Variants in CFB observed in about 807,000 individuals in gnomAD.
The protein encoded by CFB is B-factor, properdin.
In CFB, 59 loss-of-function variants were observed where a neutral mutation model predicts 97.2. The observed-to-expected ratio is 0.61, with a 90% CI of 0.49 to 0.75. The LOEUF is 0.75. Among genes scored for constraint, CFB ranks in the 30% least tolerant of loss-of-function variants. The pLI is 0.00. For missense variants in CFB, 771 were observed against 959.8 expected (o/e 0.80, Z 2.60); for synonymous variants, 316 against 351.7 (o/e 0.90, Z 1.14).
intron 12 of CFB, 90 bp downstream of exon 12, chr6:31,950,493 C>A: frequency 6.4e-7 from 1 of 1,561,776 alleles, no homozygotes; most frequent in Non-Finnish European, 8.8e-7. Context: ...CACCCATCCT[C>A]AATGCAGCCC....
chr6:31,950,223 A>T, intron 11 of CFB, 63 bp from the exon 12 acceptor site: 1 of 1,605,720 alleles, frequency 6.2e-7, no homozygotes, highest in East Asian at 2.2e-5. Flanking sequence ...GAAGGAAAAA[A>T]TGGCCATAAG....
At chr6:31,950,227 C>G (rs1771667335) in intron 11 of CFB, 59 bp from the exon 12 acceptor site, 1 of 1,601,866 alleles carries the variant, frequency 6.2e-7, no homozygotes, top group Admixed American at 1.7e-5. Context: ...GAAAAAATGG[C>G]CATAAGAGAT....
chr6:31,949,919 G>A (rs937564042), intron 10 of CFB, 131 bp from the exon 11 acceptor site: 10 of 887,168 alleles, frequency 1.1e-5, no homozygotes, highest in Non-Finnish European at 1.7e-5. Context: ...CCTAACACGA[G>A]GAAACAAATA....
In CFB at chr6:31,951,620, C is replaced by T. The variant is rs750999852; in HGVS notation, c.2139+16C>T. ...TTTCATTCAAGTGAGTCCTCCCTTT[C>T]CTATCTGGGGAGATGCCAAGTGGTC... On this transcript the variant is annotated intron_variant, in intron 17 of 17. Coordinates refer to ENST00000425368, the MANE Select transcript of CFB (RefSeq NM_001710.6). The surrounding 1 kb of genome is among the most constrained non-coding windows in gnomAD (Gnocchi z 4.3). The T allele has an allele frequency of 2.5e-6, 4 of 1,614,178 alleles. No individual in the cohort carries two copies. The highest frequency in any genetic ancestry group is 3.4e-6 in the Non-Finnish European group (4 of 1,180,020).
rs774106812 is a variant in CFB, at chr6:31,951,685, T to TA, written c.2139+82dup. Reference sequence around the variant, plus strand: ...AGCAGGAAAGCTCAATGCATGTGGCTAGTAATTCGAGGTAGGCAGAGCCTG... The same window carrying TA: ...AGCAGGAAAGCTCAATGCATGTGGCTAAGTAATTCGAGGTAGGCAGAGCCTG... On this transcript the variant is annotated intron_variant, in intron 17 of 17. Transcript: ENST00000425368. This position sits in a 1 kb window ranked among gnomAD's most constrained non-coding sequence, Gnocchi z 4.3. 1 of 1,594,324 alleles carries TA rather than the reference T, an allele frequency of 6.3e-7. No homozygotes were observed. Among genetic ancestry groups the TA allele is most frequent in the African/African-American group, 1.3e-5 (1 of 74,518 alleles).
chr6:31,951,315 C>T lies in CFB; in HGVS notation c.1957-26C>T. ...CCTAAGCCACTTCTGTTCATTACTTCTCCATGCTTCCCACCTCCCCTACAG... is the reference window on the plus strand; with the variant it reads ...CCTAAGCCACTTCTGTTCATTACTTTTCCATGCTTCCCACCTCCCCTACAG... On this transcript the variant is annotated intron_variant, in intron 15 of 17. Coordinates refer to ENST00000425368, the MANE Select transcript of CFB (RefSeq NM_001710.6). This position sits in a 1 kb window ranked among gnomAD's most constrained non-coding sequence, Gnocchi z 4.3. 5 of 1,614,064 alleles carry T rather than the reference C, an allele frequency of 3.1e-6. No individual in the cohort carries two copies. The highest frequency in any genetic ancestry group is 4.2e-6 in the Non-Finnish European group (5 of 1,180,026).
rs954195408 is a variant in CFB, at chr6:31,951,440, G to A, written c.2056G>A (p.Val686Met). 1.2e-6 allele frequency: 2 copies of A among 1,614,212 alleles called. No homozygotes were observed. Among genetic ancestry groups the A allele is most frequent in the South Asian group, 1.1e-5 (1 of 91,086 alleles). The change falls in exon 16 of 18, where the codon GTG becomes ATG. Residue 686 changes from valine to methionine, a missense_variant. Physicochemically the swap from Val to Met is conservative, Grantham distance 21. Coordinates refer to ENST00000425368, the MANE Select transcript of CFB (RefSeq NM_001710.6). The surrounding 1 kb of genome is among the most constrained non-coding windows in gnomAD (Gnocchi z 4.3). ...CCCTCGGTTCCTTTGTACTGGAGGA[G>A]TGAGTCCCTATGCTGACCCCAATAC... ...VTPRFLCTGGVSPYADPNTCR... is the reference protein window; with the variant it reads ...VTPRFLCTGGMSPYADPNTCR...
chr6:31,947,384 C>T lies in CFB; in HGVS notation c.521C>T (p.Thr174Ile), dbSNP rs1771500142. ...TCCAACCCGGGCATCCCCATTGGCA[C>T]AAGGAAGGTGGGCAGCCAGTACCGC... Reference protein sequence around the residue: ...YCSNPGIPIGTRKVGSQYRLE... With the variant: ...YCSNPGIPIGIRKVGSQYRLE... Residue 174 changes from threonine (T) to isoleucine (I), a missense_variant, in exon 4 of 18, where the codon ACA (threonine) becomes ATA (isoleucine). Physicochemically the swap from Thr to Ile is moderately conservative, Grantham distance 89. Transcript: ENST00000425368. The surrounding 1 kb of genome is among the most constrained non-coding windows in gnomAD (Gnocchi z 5.3). The T allele has an allele frequency of 6.2e-7, 1 of 1,613,092 alleles. No individual in the cohort carries two copies. The highest frequency in any genetic ancestry group is 8.5e-7 in the Non-Finnish European group (1 of 1,180,032).
Position 31,950,689 on chromosome 6 carries a change from A to G in CFB, c.1695A>G (p.Lys565=), listed in dbSNP as rs751934559. ...CCAACTACAACATTAATGGGAAAAAAGAAGCAGGAATTCCTGAATTTTATG... is the reference window on the plus strand; with the variant it reads ...CCAACTACAACATTAATGGGAAAAAGGAAGCAGGAATTCCTGAATTTTATG... ...FHPNYNINGK[K]EAGIPEFYDY... The change falls in exon 13 of 18, where the codon AAA becomes AAG. Residue 565 remains lysine (K), a synonymous_variant. Coordinates refer to ENST00000425368, the MANE Select transcript of CFB (RefSeq NM_001710.6). The G allele has an allele frequency of 3.1e-6, 5 of 1,612,970 alleles. No homozygotes were observed. In the South Asian group the frequency reaches 4.4e-5, roughly 14 times the overall value.
rs1479308232 is a variant in CFB at position 31,949,459 on chromosome 6, T to G, written c.1310T>G (p.Val437Gly). ...GGGGTCGGGCCTTTGGTGAACCAAG[T>G]GAACATCAATGCTTTGGCTTCCAAG... ...VFGVGPLVNQVNINALASKKD... is the reference protein window; with the variant it reads ...VFGVGPLVNQGNINALASKKD... Residue 437 changes from valine (V) to glycine (G), a missense_variant, in exon 10 of 18, where the codon GTG becomes GGG. By Grantham distance (109) the Val-to-Gly change is moderately radical. Transcript: ENST00000425368. The G allele has an allele frequency of 1.2e-6, 2 of 1,614,074 alleles. No individual in the cohort carries two copies. The highest frequency in any genetic ancestry group is 2.7e-5 in the African/African-American group (2 of 74,944).
rs111856907 is a variant in CFB at position 31,947,004 on chromosome 6, A to G, written c.299-3A>G. On this transcript the variant is annotated splice_polypyrimidine_tract_variant and splice_region_variant and intron_variant, in intron 2 of 17. Coordinates refer to ENST00000425368, the MANE Select transcript of CFB (RefSeq NM_001710.6). This position sits in a 1 kb window ranked among gnomAD's most constrained non-coding sequence, Gnocchi z 5.3. ...GACTTCTACTTGTCCCCCCTTCTCA[A>G]AGCAATCCACTGTCCAAGACCACAC... The G allele has an allele frequency of 1.2e-6, 2 of 1,612,816 alleles. No individual in the cohort carries two copies. Among genetic ancestry groups the G allele is most frequent in the Non-Finnish European group, 1.7e-6 (2 of 1,179,980 alleles).
chr6:31,948,303 A>G, intron 6 of CFB, 71 bp from the exon 7 acceptor site: 1 of 1,606,764 alleles, frequency 6.2e-7, no homozygotes, highest in Non-Finnish European at 8.5e-7. Context: ...TGTCCCAGCA[A>G]AGTCGCTGAA....
chr6:31,948,598 CAGGG>C, intron 7 of CFB, 86 bp downstream of exon 7: 1 of 1,585,772 alleles, frequency 6.3e-7, no homozygotes, highest in Non-Finnish European at 8.6e-7. Flanking sequence ...TTGAGGGCGA[CAGGG>C]AGGACCACTT....
Position 31,947,063 on chromosome 6 carries a change from C to G in CFB, c.355C>G (p.Pro119Ala). 2 of 1,613,008 alleles carry G rather than the reference C, an allele frequency of 1.2e-6. No individual in the cohort carries two copies. The highest frequency in any genetic ancestry group is 1.7e-6 in the Non-Finnish European group (2 of 1,180,020). Residue 119 changes from proline to alanine, a missense_variant, in exon 3 of 18, where the codon CCC becomes GCC. Pro to Ala is a conservative substitution (Grantham distance 27, BLOSUM62 -1). Coordinates refer to ENST00000425368, the MANE Select transcript of CFB (RefSeq NM_001710.6). This position sits in a 1 kb window ranked among gnomAD's most constrained non-coding sequence, Gnocchi z 5.3. ...GAACGGGGAATACTGGCCCCGGTCT[C>G]CCTACTACAATGTGAGTGATGAGAT... ...FENGEYWPRS[P>A]YYNVSDEISF...
intron 10 of CFB, 48 bp downstream of exon 10, chr6:31,949,605 CT>C: frequency 6.2e-7 from 1 of 1,608,526 alleles, no homozygotes; most frequent in South Asian, 1.1e-5. Flanking sequence ...TCAGGTTCCC[CT>C]GAAGTAATTC....
In CFB at chr6:31,947,072, A is replaced by T. The variant is rs1297491982; in HGVS notation, c.364A>T (p.Asn122Tyr). Residue 122 changes from asparagine to tyrosine, a missense_variant, in exon 3 of 18, where the codon AAT becomes TAT. Transcript: ENST00000425368. This position sits in a 1 kb window ranked among gnomAD's most constrained non-coding sequence, Gnocchi z 5.3. The stretch of plus-strand genomic sequence containing the variant: ...ATACTGGCCCCGGTCTCCCTACTAC[A>T]ATGTGAGTGATGAGATCTCTTTCCA... ...GEYWPRSPYY[N>Y]VSDEISFHCY... 1.9e-6 allele frequency: 3 copies of T among 1,612,944 alleles called. No individual in the cohort carries two copies. The highest frequency in any genetic ancestry group is 2.5e-6 in the Non-Finnish European group (3 of 1,180,006).
chr6:31,952,048 A>T lies in CFB; in HGVS notation c.*18A>T. 1 of 1,612,108 alleles carries T rather than the reference A, an allele frequency of 6.2e-7. No individual in the cohort carries two copies. The highest frequency in any genetic ancestry group is 8.5e-7 in the Non-Finnish European group (1 of 1,179,964). ...TTCTATAAGGGGTTTCCTGCTGGAC[A>T]GGGGCGTGGGATTGAATTAAAACAG... On this transcript the variant is annotated 3_prime_UTR_variant, in exon 18 of 18. Transcript: ENST00000425368.
rs1771493887 is a variant in CFB, at chr6:31,947,309, A to G, written c.485-39A>G. 6.2e-7 allele frequency: 1 copy of G among 1,612,570 alleles called. No individual in the cohort carries two copies. Among genetic ancestry groups the G allele is most frequent in the Non-Finnish European group, 8.5e-7 (1 of 1,179,992 alleles). On this transcript the variant is annotated intron_variant, in intron 3 of 17. Coordinates refer to ENST00000425368, the MANE Select transcript of CFB (RefSeq NM_001710.6). This position sits in a 1 kb window ranked among gnomAD's most constrained non-coding sequence, Gnocchi z 5.3. ...CTCTCTACCTTGCTCACGGGGCCTC[A>G]GGCTTCAGTGCTTACCTCGATGTCT...
In CFB at chr6:31,951,716, C is replaced by T. The variant is rs1287883269; in HGVS notation, c.2139+112C>T. On this transcript the variant is annotated intron_variant, in intron 17 of 17. Coordinates refer to ENST00000425368, the MANE Select transcript of CFB (RefSeq NM_001710.6). The surrounding 1 kb of genome is among the most constrained non-coding windows in gnomAD (Gnocchi z 4.3). ...TTCGAGGTAGGCAGAGCCTGCCTCACCTTAGGACCGCATGTCTTGCCTGCG... is the reference window on the plus strand; with the variant it reads ...TTCGAGGTAGGCAGAGCCTGCCTCATCTTAGGACCGCATGTCTTGCCTGCG... 6.4e-7 allele frequency: 1 copy of T among 1,562,270 alleles called. No individual in the cohort carries two copies. The highest frequency in any genetic ancestry group is 1.4e-5 in the African/African-American group (1 of 73,874).
Sources: gnomAD v4.1 joint callset for allele counts on GRCh38, gnomAD v4.1.1 for gene constraint, Gnocchi (gnomAD v3.1) non-coding constraint, MANE v1.5 for transcripts, NCBI Gene and HGNC (gene_info 2026-07-23, HGNC 2026-07-21) for gene names.